Variants in PRKACB observed in about 807,000 individuals in gnomAD.
PRKACB encodes the protein protein kinase cAMP-activated catalytic subunit beta.
PRKACB carries 16 observed loss-of-function variants against 51.4 expected under a neutral mutation model. The ratio of observed to expected loss-of-function variants is 0.31; its 90% confidence interval spans 0.21 to 0.47. PRKACB has a LOEUF of 0.47. Among genes scored for constraint, PRKACB ranks in the 20% least tolerant of loss-of-function variants. PRKACB has a pLI of 1.00. For synonymous variants in PRKACB, 147 were observed against 154.4 expected, an observed-to-expected ratio of 0.95 and a Z score of 0.35; for missense variants, 309 against 464.5, an observed-to-expected ratio of 0.67 and a Z score of 3.08.
rs1672390456 is a variant in PRKACB, at chr1:84,213,221, C to A, written c.907-932C>A. On this transcript the variant is annotated intron_variant, in intron 8 of 9. Coordinates refer to ENST00000370685, the MANE Select transcript of PRKACB (RefSeq NM_182948.4). ...GAAGAGGGTAATGAAAGGGATTGAA[C>A]ACAAGCTGGAAAGGATAGTGGAGAG... Among the ~76,000 whole-genome samples, 4 of 152,024 alleles carry A rather than the reference C, an allele frequency of 2.6e-5. No homozygotes were observed. In the South Asian group the frequency reaches 8.3e-4, roughly 31 times the overall value.
chr1:84,083,620 C>T lies in PRKACB; in HGVS notation c.46+5249C>T, dbSNP rs370439377. 1.4e-4 allele frequency among the ~76,000 whole-genome samples: 22 copies of T among 152,222 alleles called. No homozygotes were observed. The East Asian group carries it at 4.1e-3, about 28-fold the overall frequency. ...TTGACCATAATTCATTTTGACATTC[C>T]ATTAAATTAATTTTTAAAAATTAGT... On this transcript the variant is annotated intron_variant, in intron 1 of 8. Coordinates refer to the PRKACB transcript ENST00000370688.
chr1:84,217,329 CT>C (rs201079286), intron 9 of PRKACB, among the ~76,000 whole-genome samples: 55 of 151,520 alleles, frequency 3.6e-4, no homozygotes, highest in Non-Finnish European at 6.6e-4. Context: ...TGTCTTTTTA[CT>C]TTTTTTTTCC....
chr1:84,145,075 A>T (rs1049919536), intron 1 of PRKACB, among the ~76,000 whole-genome samples: 1 of 152,038 alleles, frequency 6.6e-6, no homozygotes, highest in African/African-American at 2.4e-5. Flanking sequence ...TACACTTATA[A>T]CATTATGGAT....
chr1:84,212,261 C>A (rs545116007), intron 8 of PRKACB, among the ~76,000 whole-genome samples: 2 of 151,964 alleles, frequency 1.3e-5, no homozygotes, highest in African/African-American at 4.8e-5. Flanking sequence ...TCATCTGAGG[C>A]AAGCCACAGG....
At chr1:84,211,127 TCACACACACACA>T (rs3051185) in intron 8 of PRKACB, among the ~76,000 whole-genome samples, 1 of 148,832 alleles carries the variant, frequency 6.7e-6, no homozygotes. Flanking sequence ...CACTCCACTG[TCACACACACACA>T]CACACACACA....
intron 7 of PRKACB, among the ~76,000 whole-genome samples, chr1:84,201,686 AG>A (rs761127560): frequency 4.6e-5 from 7 of 152,076 alleles, no homozygotes; most frequent in Non-Finnish European, 8.8e-5. Context: ...TTTTGACAAA[AG>A]GGTGGAATGT....
chr1:84,164,547 T>G, intron 1 of PRKACB: 1 of 1,441,724 alleles, frequency 6.9e-7, no homozygotes, highest in Non-Finnish European at 9.4e-7. Context: ...AAAAGGTATT[T>G]TATTTGTCTG....
chr1:84,203,414 A>G (rs12119791), intron 8 of PRKACB, among the ~76,000 whole-genome samples: 5 of 151,912 alleles, frequency 3.3e-5, no homozygotes, highest in Non-Finnish European at 5.9e-5. Flanking sequence ...TTCTTCATAA[A>G]CCTTCCTTCT....
At chr1:84,207,568 G>A (rs1017672539) in intron 8 of PRKACB, among the ~76,000 whole-genome samples, 2 of 152,154 alleles carry the variant, frequency 1.3e-5, no homozygotes, top group African/African-American at 4.8e-5. Flanking sequence ...AGAACTTACT[G>A]TACCTAATTT....
chr1:84,233,869 G>A (rs1321650894), intron 9 of PRKACB, among the ~76,000 whole-genome samples: 83 of 127,178 alleles, frequency 6.5e-4, no homozygotes, highest in Admixed American at 1.2e-3. Context: ...ATGTCCTCCC[G>A]TAGCTCAGAG....
At position 84,084,092 on chromosome 1, in the gene PRKACB, C is replaced by T. The variant is rs115211915; in HGVS notation, c.46+5721C>T. Among the ~76,000 whole-genome samples, 199 of 152,200 alleles carry T rather than the reference C, an allele frequency of 1.3e-3. 1 individual carries two copies. Among genetic ancestry groups the T allele is most frequent in the African/African-American group, 4.5e-3 (186 of 41,512 alleles). ...AACCAAGGGAAAGAATGGTCATTTCCACTGGGATGGGGAGGAAGAGGTTCA... is the reference window on the plus strand; with the variant it reads ...AACCAAGGGAAAGAATGGTCATTTCTACTGGGATGGGGAGGAAGAGGTTCA... On this transcript the variant is annotated intron_variant, in intron 1 of 8. Coordinates refer to the PRKACB transcript ENST00000370688.
intron 3 of PRKACB, 71 bp downstream of exon 3, chr1:84,182,399 C>A: frequency 1.6e-6 from 2 of 1,229,268 alleles, no homozygotes; most frequent in South Asian, 4.9e-5. Flanking sequence ...TAAACAGATT[C>A]AGTATAATGA....
At chr1:84,144,207 T>C, upstream of PRKACB, 1 of 1,379,832 alleles carries the variant, frequency 7.2e-7, no homozygotes, top group Non-Finnish European at 9.4e-7. Flanking sequence ...AATGTGCTGT[T>C]TTATATTAAC....
chr1:84,118,509 T>C (rs1650808949), intron 1 of PRKACB, among the ~76,000 whole-genome samples: 1 of 152,076 alleles, frequency 6.6e-6, no homozygotes, highest in South Asian at 2.1e-4. Flanking sequence ...TCAATAATAG[T>C]ATTTCTGGGT....
At chr1:84,078,322 A>T (rs1354738325) in exon 1 of PRKACB, 1 of 1,607,752 alleles carries the variant, frequency 6.2e-7, no homozygotes, top group Non-Finnish European at 8.5e-7. Context: ...CCATCGCCCC[A>T]GACATGGGGA....
chr1:84,191,995 A>G (rs1666945339), intron 5 of PRKACB, among the ~76,000 whole-genome samples: 1 of 152,172 alleles, frequency 6.6e-6, no homozygotes, highest in Non-Finnish European at 1.5e-5. Context: ...GACACAGCAT[A>G]CAATATATGT....
At chr1:84,184,253 T>C in intron 4 of PRKACB, 118 bp downstream of exon 4, 1 of 821,672 alleles carries the variant, frequency 1.2e-6, no homozygotes, top group East Asian at 2.9e-5. Flanking sequence ...ACAAAACGAA[T>C]ACCTCTAGAG....
intron 9 of PRKACB, among the ~76,000 whole-genome samples, chr1:84,218,498 T>A (rs1429517261): frequency 6.6e-6 from 1 of 152,218 alleles, no homozygotes; most frequent in East Asian, 1.9e-4. Context: ...TTTCATTCTT[T>A]TTTTTACAGC....
At chr1:84,216,082 C>T (rs1672841738) in intron 9 of PRKACB, among the ~76,000 whole-genome samples, 1 of 152,072 alleles carries the variant, frequency 6.6e-6, no homozygotes, top group African/African-American at 2.4e-5. Flanking sequence ...ACCTGAAATC[C>T]TAACACTTTG....
Sources: gnomAD v4.1 joint callset for allele counts (sites outside exome capture counted in the v4.1 genomes callset) on GRCh38, gnomAD v4.1.1 for gene constraint, MANE v1.5 for transcripts, NCBI Gene and HGNC (gene_info 2026-07-23, HGNC 2026-07-21) for gene names.